Variants in OARD1 observed in about 807,000 individuals in gnomAD.
OARD1 encodes ADP-ribose glycohydrolase OARD1.
OARD1 carries 19 observed loss-of-function variants against 19.7 expected under a neutral mutation model. The ratio of observed to expected loss-of-function variants is 0.96; its 90% CI spans 0.67 to 1.41. OARD1 has a LOEUF of 1.41. Ranked by LOEUF, OARD1 falls within the 40% of genes most tolerant of loss-of-function variation. The pLI is 0.00. For missense variants in OARD1, 190 were observed against 183.8 expected (o/e 1.03, Z -0.20); for synonymous variants, 70 against 61.8 (o/e 1.13, Z -0.62).
chr6:41,067,834 G>C (rs1763102975), intron 5 of OARD1, among the ~76,000 whole-genome samples: 1 of 152,202 alleles, frequency 6.6e-6, no homozygotes, highest in Non-Finnish European at 1.5e-5. Context: ...AAAGTAAGGA[G>C]AAGAGGAATG....
chr6:41,097,369 G>A (rs1764389536), intron 1 of OARD1: 1 of 1,613,838 alleles, frequency 6.2e-7, no homozygotes, highest in Non-Finnish European at 8.5e-7. Context: ...TCCAAACCAA[G>A]CCGATGAAGA....
chr6:41,092,588 G>A (rs1378805538), intron 1 of OARD1, among the ~76,000 whole-genome samples: 1 of 152,004 alleles, frequency 6.6e-6, no homozygotes, highest in Admixed American at 6.6e-5. Context: ...CTATTTTTGT[G>A]CTGTTTTTTT....
In OARD1 at chr6:41,071,742, G is replaced by A. The variant is rs542091873; in HGVS notation, c.-41-67C>T. 13 of 879,464 alleles carry A rather than the reference G, an allele frequency of 1.5e-5. No homozygotes were observed. In the African/African-American group the frequency reaches 1.5e-4, roughly 10 times the overall value. The allele number at this position is 879,464 out of a possible 1,614,324, so 54.5% of individuals were successfully genotyped here. Reference sequence around the variant, plus strand: ...TAGTATATAATATTCTGATTGCCCTGTACAACCACTTAATAGGCTTTTTTC... The same window carrying A: ...TAGTATATAATATTCTGATTGCCCTATACAACCACTTAATAGGCTTTTTTC... On this transcript the variant is annotated intron_variant, in intron 1 of 5. Transcript: ENST00000424266.
intron 1 of OARD1, chr6:41,084,332 T>TA (rs1763984371): frequency 2.0e-6 from 2 of 983,912 alleles, no homozygotes; most frequent in Admixed American, 5.5e-5. Context: ...TTTCTGCCTT[T>TA]ATAGTACCAG....
chr6:41,093,620 G>A (rs1358417883), intron 1 of OARD1, among the ~76,000 whole-genome samples: 1 of 152,068 alleles, frequency 6.6e-6, no homozygotes, highest in Non-Finnish European at 1.5e-5. Flanking sequence ...ACAGGTGTGC[G>A]CCACCACGCC....
upstream of OARD1, among the ~76,000 whole-genome samples, chr6:41,073,731 C>T (rs975946521): frequency 6.6e-6 from 1 of 152,150 alleles, no homozygotes. Flanking sequence ...CCCCCGCTGT[C>T]TCCCTGGTGG....
intron 4 of OARD1, 162 bp from the exon 5 acceptor site, chr6:41,069,115 T>C (rs1043828483): frequency 4.3e-6 from 2 of 459,802 alleles, no homozygotes; most frequent in Non-Finnish European, 3.8e-6. Flanking sequence ...CACACTGTTA[T>C]GGGAGACCTT....
intron 1 of OARD1, among the ~76,000 whole-genome samples, chr6:41,092,602 T>G (rs1196205492): frequency 1.3e-5 from 2 of 152,192 alleles, no homozygotes; most frequent in Non-Finnish European, 2.9e-5. Flanking sequence ...TTTTTTTGTC[T>G]TATGACTACT....
At chr6:41,072,053 A>C (rs1224172275) in intron 1 of OARD1, among the ~76,000 whole-genome samples, 183 bp downstream of exon 1, 1 of 152,256 alleles carries the variant, frequency 6.6e-6, no homozygotes, top group Non-Finnish European at 1.5e-5. Context: ...AGAAGAAAAC[A>C]GAAGGGACTT....
At chr6:41,084,245 A>C in intron 1 of OARD1, 2 of 1,582,112 alleles carry the variant, frequency 1.3e-6, no homozygotes, top group Non-Finnish European at 8.6e-7. Context: ...GGTTTCAAAG[A>C]ATAGATTATT....
At chr6:41,089,353 C>T (rs751849118) in intron 1 of OARD1, among the ~76,000 whole-genome samples, 3 of 152,114 alleles carry the variant, frequency 2.0e-5, no homozygotes, top group Non-Finnish European at 4.4e-5. Flanking sequence ...TCATAAAAAC[C>T]GACATTGATT....
At chr6:41,083,524 G>A (rs1467264558) in intron 1 of OARD1, among the ~76,000 whole-genome samples, 1 of 152,088 alleles carries the variant, frequency 6.6e-6, no homozygotes, top group African/African-American at 2.4e-5. Context: ...AGACTGTAGG[G>A]AAAAAAGGGT....
intron 1 of OARD1, among the ~76,000 whole-genome samples, chr6:41,082,754 A>C (rs565845383): frequency 1.3e-5 from 2 of 152,316 alleles, no homozygotes; most frequent in African/African-American, 4.8e-5. Context: ...ATATGCAAGC[A>C]TTTGGTGTAG....
At chr6:41,084,774 C>G (rs1184632157) in intron 1 of OARD1, among the ~76,000 whole-genome samples, 1 of 152,146 alleles carries the variant, frequency 6.6e-6, no homozygotes, top group Non-Finnish European at 1.5e-5. Flanking sequence ...ACCAGCCTGG[C>G]CAACATGACA....
At chr6:41,089,533 C>T in intron 1 of OARD1, 8 of 1,505,742 alleles carry the variant, frequency 5.3e-6, no homozygotes, top group Non-Finnish European at 7.1e-6. Context: ...CCAAAGGAGA[C>T]CAGTGTCAGT....
At chr6:41,067,595 TGAGTCACCGAA>T (rs1172172561) in intron 5 of OARD1, among the ~76,000 whole-genome samples, 158 bp from the exon 6 acceptor site, 2 of 152,258 alleles carry the variant, frequency 1.3e-5, no homozygotes, top group Admixed American at 6.5e-5. Flanking sequence ...ATTCTTGTTG[TGAGTCACCGAA>T]GACCATTCCT....
At chr6:41,074,727 A>G (rs2114080266), upstream of OARD1, among the ~76,000 whole-genome samples, 1 of 152,310 alleles carries the variant, frequency 6.6e-6, no homozygotes. Flanking sequence ...GGAAACAGTT[A>G]TTATTTTGTA....
chr6:41,093,793 A>G (rs181765041), intron 1 of OARD1, among the ~76,000 whole-genome samples: 2 of 152,308 alleles, frequency 1.3e-5, no homozygotes, highest in East Asian at 3.9e-4. Context: ...TTTCAAGGAA[A>G]CTTTGAAGAA....
upstream of OARD1, among the ~76,000 whole-genome samples, chr6:41,072,784 G>A (rs1259595368): frequency 2.0e-5 from 3 of 152,246 alleles, no homozygotes; most frequent in African/African-American, 7.2e-5. Context: ...GAAAGCGCCT[G>A]CGTATTCCTT....
Sources: allele counts gnomAD v4.1 joint callset (sites outside exome capture counted in the v4.1 genomes callset), GRCh38; gene constraint gnomAD v4.1.1; transcripts MANE v1.5; gene names NCBI Gene and HGNC (gene_info 2026-07-23, HGNC 2026-07-21).